BBOX1: variants seen among roughly 807,000 people sequenced by gnomAD.
BBOX1 encodes the protein gamma-butyrobetaine dioxygenase.
BBOX1 carries 35 observed loss-of-function variants against 41.6 expected under a neutral mutation model. The ratio of observed to expected loss-of-function variants is 0.84; its 90% CI spans 0.64 to 1.11. BBOX1 has a LOEUF of 1.11. Among genes scored for constraint, BBOX1 ranks in the 50% most tolerant of loss-of-function variants. The pLI, the probability that BBOX1 is intolerant of heterozygous loss-of-function variation, is 0.00. For missense variants in BBOX1, 458 were observed against 460.6 expected (o/e 0.99, Z 0.05); for synonymous variants, 163 against 154.7 (o/e 1.05, Z -0.40).
At chr11:27,115,234 CTT>C (rs1175552982) in intron 5 of BBOX1, among the ~76,000 whole-genome samples, 1 of 151,810 alleles carries the variant, frequency 6.6e-6, no homozygotes, top group African/African-American at 2.4e-5. Context: ...CTGATGTACT[CTT>C]TTGTTGAGAG....
chr11:27,115,312 T>G, intron 5 of BBOX1, 140 bp from the exon 6 acceptor site: 2 of 623,410 alleles, frequency 3.2e-6, no homozygotes, highest in South Asian at 4.4e-5. Context: ...GTCAGATTCC[T>G]TGTCTCACTC....
intron 4 of BBOX1, among the ~76,000 whole-genome samples, chr11:27,063,862 GA>G (rs5790625): frequency 0.32 from 48,873 of 151,796 alleles, 7,994 homozygotes; most frequent in East Asian, 0.45. Context: ...TACATGGCAA[GA>G]AAAAGTAGAG....
At chr11:27,092,833 C>G (rs1858295750) in intron 4 of BBOX1, among the ~76,000 whole-genome samples, 1 of 151,926 alleles carries the variant, frequency 6.6e-6, no homozygotes, top group South Asian at 2.1e-4. Flanking sequence ...TACAGTATCT[C>G]AGAGTTATTT....
chr11:27,115,966 T>C (rs78315085), intron 6 of BBOX1, among the ~76,000 whole-genome samples: 5,073 of 152,064 alleles, frequency 0.033, 128 homozygotes, highest in South Asian at 0.11. Context: ...GCATCATTCA[T>C]ATCCATTAAC....
chr11:27,119,550 T>C (rs774084513), intron 6 of BBOX1, 99 bp from the exon 7 acceptor site: 17 of 714,036 alleles, frequency 2.4e-5, no homozygotes, highest in African/African-American at 7.5e-5. Context: ...ATGGTGCATG[T>C]ATATTATTTT....
chr11:27,102,275 G>A (rs905634384), intron 5 of BBOX1, among the ~76,000 whole-genome samples: 1 of 152,014 alleles, frequency 6.6e-6, no homozygotes, highest in Non-Finnish European at 1.5e-5. Context: ...TTACATTTGG[G>A]GAGAAAAGTG....
At chr11:27,057,002 G>T (rs1345978108) in intron 3 of BBOX1, among the ~76,000 whole-genome samples, 199 bp from the exon 4 acceptor site, 1 of 144,248 alleles carries the variant, frequency 6.9e-6, no homozygotes, top group African/African-American at 2.6e-5. Flanking sequence ...GGAGGCAGAG[G>T]TTGCAGTGAG....
At chr11:27,045,813 G>T (rs975368363) in intron 2 of BBOX1, among the ~76,000 whole-genome samples, 2 of 152,068 alleles carry the variant, frequency 1.3e-5, no homozygotes, top group Non-Finnish European at 2.9e-5. Context: ...AGATAAATCA[G>T]CCTTCTCAGG....
intron 5 of BBOX1, among the ~76,000 whole-genome samples, chr11:27,113,045 T>C (rs1228121379): frequency 6.6e-6 from 1 of 151,954 alleles, no homozygotes; most frequent in East Asian, 1.9e-4. Flanking sequence ...AACAAGCATA[T>C]GAAAAAGTGC....
At chr11:27,072,500 G>A (rs1337674438) in intron 4 of BBOX1, among the ~76,000 whole-genome samples, 1 of 152,138 alleles carries the variant, frequency 6.6e-6, no homozygotes, top group Non-Finnish European at 1.5e-5. Context: ...TGCTGCCCAA[G>A]GTAATTTATA....
At chr11:27,125,532 G>A in intron 7 of BBOX1, 122 bp from the exon 8 acceptor site, 1 of 817,174 alleles carries the variant, frequency 1.2e-6, no homozygotes, top group Non-Finnish European at 1.8e-6. Context: ...AATATCTTCT[G>A]TACATGTATT....
intron 5 of BBOX1, among the ~76,000 whole-genome samples, chr11:27,093,939 C>T (rs1010982008): frequency 2.6e-5 from 4 of 151,870 alleles, no homozygotes; most frequent in African/African-American, 7.3e-5. Flanking sequence ...TAATTTATTC[C>T]GTAACAGGTG....
At chr11:27,062,326 C>T (rs1480673051) in intron 4 of BBOX1, among the ~76,000 whole-genome samples, 1 of 152,128 alleles carries the variant, frequency 6.6e-6, no homozygotes, top group African/African-American at 2.4e-5. Context: ...AACCTGCAGG[C>T]GATTAAGAGT....
In BBOX1 at chr11:27,064,221, C is replaced by T. The variant is rs543272433; in HGVS notation, c.334+6906C>T. ...TGGGTTGTTGTTTTTTTTCAAGCTG[C>T]GTTAGGATGTCCCAACAGTATCAGG... On this transcript the variant is annotated intron_variant, in intron 4 of 8. Transcript: ENST00000263182. Among the ~76,000 whole-genome samples, 6 of 151,058 alleles carry T rather than the reference C, an allele frequency of 4.0e-5. No individual in the cohort carries two copies. The East Asian group carries it at 9.8e-4, about 25-fold the overall frequency.
At chr11:27,065,486 T>C (rs1161059255) in intron 4 of BBOX1, among the ~76,000 whole-genome samples, 1 of 152,184 alleles carries the variant, frequency 6.6e-6, no homozygotes, top group East Asian at 1.9e-4. Context: ...GCTGCCCTTG[T>C]TCTGACTGTA....
intron 4 of BBOX1, among the ~76,000 whole-genome samples, chr11:27,083,875 G>A (rs1857939324): frequency 6.6e-6 from 1 of 152,248 alleles, no homozygotes; most frequent in African/African-American, 2.4e-5. Context: ...CTGGGACTGA[G>A]GTGCTGGAGG....
At chr11:27,086,084 T>C (rs540227226) in intron 4 of BBOX1, among the ~76,000 whole-genome samples, 1 of 152,240 alleles carries the variant, frequency 6.6e-6, no homozygotes, top group East Asian at 1.9e-4. Flanking sequence ...GAAAGAAGTT[T>C]TCTTTATAAC....
At chr11:27,088,709 T>C (rs968777149) in intron 4 of BBOX1, among the ~76,000 whole-genome samples, 1 of 152,070 alleles carries the variant, frequency 6.6e-6, no homozygotes, top group Non-Finnish European at 1.5e-5. Context: ...GTGTTTATTT[T>C]ATATGCAGTT....
In BBOX1 at chr11:27,043,915, T is replaced by A. The variant is rs567905902; in HGVS notation, c.-39+2437T>A. Among the ~76,000 whole-genome samples, 5 of 152,316 alleles carry A rather than the reference T, an allele frequency of 3.3e-5. No individual in the cohort carries two copies. In the South Asian group the frequency reaches 1.0e-3, roughly 32 times the overall value. ...GCTGTAATAAACATACATGTGCACGTGTCTTTATAGTAGAATGATTTATAA... is the reference window on the plus strand; with the variant it reads ...GCTGTAATAAACATACATGTGCACGAGTCTTTATAGTAGAATGATTTATAA... On this transcript the variant is annotated intron_variant, in intron 2 of 8. Transcript: ENST00000263182.
Sources: gnomAD v4.1 joint callset for allele counts (sites outside exome capture counted in the v4.1 genomes callset) on GRCh38, gnomAD v4.1.1 for gene constraint, MANE v1.5 for transcripts, NCBI Gene and HGNC (gene_info 2026-07-23, HGNC 2026-07-21) for gene names.